Variants in VWDE observed in about 807,000 individuals in gnomAD.
VWDE encodes the protein von Willebrand factor D and EGF domains.
In VWDE, 207 loss-of-function variants were observed where a neutral mutation model predicts 178.4. The ratio of observed to expected loss-of-function variants is 1.16; its 90% CI spans 1.04 to 1.30. The LOEUF (loss-of-function observed/expected upper bound fraction) is 1.30. VWDE is among the 50% of genes most tolerant of loss of function. VWDE has a pLI of 0.00. For missense variants in VWDE, 2,287 were observed against 1,901.3 expected (o/e 1.20, Z -3.77); for synonymous variants, 738 against 651.4 (o/e 1.13, Z -2.02).
intron 21 of VWDE, among the ~76,000 whole-genome samples, chr7:12,343,696 C>T (rs1458829088): frequency 2.6e-5 from 4 of 152,064 alleles, no homozygotes; most frequent in Admixed American, 1.3e-4. Context: ...AAAGTATCAT[C>T]CACTTTAGGA....
chr7:12,354,474 C>T, intron 18 of VWDE: 1 of 379,972 alleles, frequency 2.6e-6, no homozygotes, highest in East Asian at 8.3e-5. Context: ...CAACATCTTC[C>T]TGGCAATTTT....
At chr7:12,331,229 T>C (rs769917490) in intron 28 of VWDE, 32 bp from the exon 29 acceptor site, 4 of 1,531,742 alleles carry the variant, frequency 2.6e-6, no homozygotes, top group South Asian at 2.4e-5. Flanking sequence ...TGTGTTTCAA[T>C]GAATAGTATA....
rs1476617805 is a variant in VWDE, at chr7:12,393,734, A to G, written c.103T>C (p.Tyr35His). 2.6e-6 allele frequency: 4 copies of G among 1,550,888 alleles called. No homozygotes were observed. In the African/African-American group the frequency reaches 5.5e-5, roughly 21 times the overall value. Residue 35 changes from tyrosine (Y) to histidine (H), a missense_variant, in exon 2 of 29, where the codon TAT becomes CAT. Tyr to His is a moderately conservative substitution (Grantham distance 83). Coordinates refer to ENST00000275358, the MANE Select transcript of VWDE (RefSeq NM_001135924.3). ...CATGAGTCAAAACGGACACTTCTAT[A>G]AGGACTCCGAAGAAACTGGTGTCCC... ...PGGHQFLRSPYRSVRFDSWHL... is the reference protein window; with the variant it reads ...PGGHQFLRSPHRSVRFDSWHL...
At position 12,359,541 on chromosome 7, in the gene VWDE, G is replaced by A. The variant is rs914053762; in HGVS notation, c.3274+37C>T. On this transcript the variant is annotated intron_variant, in intron 16 of 28. Coordinates refer to ENST00000275358, the MANE Select transcript of VWDE (RefSeq NM_001135924.3). ...CTGAAAACCACTTTTAAAATGTCTT[G>A]TATAGGAAATATTTGGATTAATAAA... 7 of 1,372,844 alleles carry A rather than the reference G, an allele frequency of 5.1e-6. No homozygotes were observed. The East Asian group carries it at 7.5e-5, about 15-fold the overall frequency. The allele number at this position is 1,372,844 out of a possible 1,614,324, so 85.0% of individuals were successfully genotyped here. A position where few individuals can be genotyped will look rare whatever the true frequency, so the allele number is the denominator to read the frequency against.
chr7:12,350,057 A>G (rs1433997252), intron 19 of VWDE, among the ~76,000 whole-genome samples: 2 of 152,032 alleles, frequency 1.3e-5, no homozygotes, highest in Non-Finnish European at 1.5e-5. Context: ...AATTTTACCA[A>G]ATAATTAAGG....
chr7:12,341,833 T>G (rs756144391), intron 23 of VWDE, among the ~76,000 whole-genome samples: 1 of 152,096 alleles, frequency 6.6e-6, no homozygotes, highest in Non-Finnish European at 1.5e-5. Context: ...AAAAAAAGTA[T>G]TGGTTGGTTA....
intron 1 of VWDE, among the ~76,000 whole-genome samples, chr7:12,400,601 G>A (rs1232805365): frequency 1.3e-5 from 2 of 152,006 alleles, no homozygotes; most frequent in African/African-American, 4.8e-5. Flanking sequence ...TGGCATCAAT[G>A]CTAAATTCTA....
intron 7 of VWDE, among the ~76,000 whole-genome samples, chr7:12,376,412 A>G (rs1783532678): frequency 6.6e-6 from 1 of 152,126 alleles, no homozygotes; most frequent in South Asian, 2.1e-4. Flanking sequence ...AACAAAAGCC[A>G]TTTTTAATTC....
chr7:12,379,422 G>T, intron 6 of VWDE, 55 bp downstream of exon 6: 1 of 1,330,792 alleles, frequency 7.5e-7, no homozygotes, highest in South Asian at 1.3e-5. Flanking sequence ...ATCACAGTTT[G>T]GGAAACATAG....
chr7:12,389,494 C>G (rs1784276435), intron 2 of VWDE, 136 bp from the exon 3 acceptor site: 1 of 629,724 alleles, frequency 1.6e-6, no homozygotes, highest in Admixed American at 3.0e-5. Context: ...TGTACCTGTT[C>G]TATACAAGGA....
rs368544463 is a variant in VWDE at position 12,356,035 on chromosome 7, A to G, written c.3745+76T>C. The G allele has an allele frequency of 1.9e-4, 227 of 1,180,528 alleles. 1 individual carries two copies. The East Asian group carries it at 5.0e-3, about 26-fold the overall frequency. The allele number at this position is 1,180,528 out of a possible 1,614,324, so 73.1% of individuals were successfully genotyped here. A position where few individuals can be genotyped will look rare whatever the true frequency, so the allele number is the denominator to read the frequency against. ...TGTACTAAAATCTTTAGGACCACACATTTGCTTAAGTAATCTGTAGATATG... is the reference window on the plus strand; with the variant it reads ...TGTACTAAAATCTTTAGGACCACACGTTTGCTTAAGTAATCTGTAGATATG... On this transcript the variant is annotated intron_variant, in intron 18 of 28. Transcript: ENST00000275358.
rs374830003 is a variant in VWDE at position 12,379,495 on chromosome 7, T to A, written c.861A>T (p.Glu287Asp). 820 of 1,549,806 alleles carry A rather than the reference T, an allele frequency of 5.3e-4. 1 individual carries two copies. In the African/African-American group the frequency reaches 0.01, roughly 19 times the overall value. ...HVQSVAIESQ[E>D]FFAGFKLQPE... Reference sequence around the variant, plus strand: ...TGCGTACCTTAAAGCCTGCAAAAAATTCTTGGCTTTCGATGGCTACACTTT... The same window carrying A: ...TGCGTACCTTAAAGCCTGCAAAAAAATCTTGGCTTTCGATGGCTACACTTT... The change falls in exon 6 of 29, where the codon GAA becomes GAT. Residue 287 changes from glutamate (E) to aspartate (D), a missense_variant. Glu to Asp is a conservative substitution (Grantham distance 45). Coordinates refer to ENST00000275358, the MANE Select transcript of VWDE (RefSeq NM_001135924.3).
At position 12,344,486 on chromosome 7, in the gene VWDE, GA is replaced by G. The variant is rs199577271; in HGVS notation, c.3887-18del. On this transcript the variant is annotated intron_variant, in intron 19 of 28. Transcript: ENST00000275358. ...TACAAATGGCTAAAAAAAAATCAAA[GA>G]AAAAAAGGTTGATTGCTAAAACAGA... is the stretch of plus-strand genomic sequence containing the variant. 3,525 of 1,532,338 alleles carry G rather than the reference GA, an allele frequency of 2.3e-3. 64 individuals are homozygous for G. In the African/African-American group the frequency reaches 0.039, roughly 17 times the overall value. 94.9% of individuals were successfully genotyped at this position (1,532,338 alleles called of 1,614,324 possible). A position where few individuals can be genotyped will look rare whatever the true frequency, so the allele number is the denominator to read the frequency against.
At position 12,340,312 on chromosome 7, in the gene VWDE, G is replaced by C; in HGVS notation, c.4366+10C>G. 6.5e-7 allele frequency: 1 copy of C among 1,544,210 alleles called. No homozygotes were observed. Among genetic ancestry groups the C allele is most frequent in the Non-Finnish European group, 8.8e-7 (1 of 1,141,290 alleles). ...TTTGCCCTTTTTACATACAAAGAAAGAATAATTACCATTCTGACAGTGTTC... is the reference window on the plus strand; with the variant it reads ...TTTGCCCTTTTTACATACAAAGAAACAATAATTACCATTCTGACAGTGTTC... On this transcript the variant is annotated intron_variant, in intron 24 of 28. Transcript: ENST00000275358.
At chr7:12,379,636 T>C (rs1783730276) in intron 5 of VWDE, 70 bp from the exon 6 acceptor site, 1 of 1,101,868 alleles carries the variant, frequency 9.1e-7, no homozygotes, top group African/African-American at 1.6e-5. Context: ...TTATCACTTT[T>C]AAAATCCTAA....
At chr7:12,360,808 T>C (rs1321956002) in intron 15 of VWDE, among the ~76,000 whole-genome samples, 1 of 152,194 alleles carries the variant, frequency 6.6e-6, no homozygotes. Flanking sequence ...TGTATGTCAC[T>C]TGATGCAAAG....
chr7:12,395,398 G>A (rs955271517), intron 1 of VWDE, among the ~76,000 whole-genome samples: 4 of 151,990 alleles, frequency 2.6e-5, no homozygotes, highest in East Asian at 1.9e-4. Flanking sequence ...ACAGAATTTC[G>A]TCTTGGGAAA....
chr7:12,371,679 G>A (rs1212586992), intron 10 of VWDE, among the ~76,000 whole-genome samples: 1 of 151,770 alleles, frequency 6.6e-6, no homozygotes, highest in African/African-American at 2.4e-5. Context: ...CCAACTTAAG[G>A]TAGCTAATAT....
At position 12,364,227 on chromosome 7, in the gene VWDE, T is replaced by G. The variant is rs192512044; in HGVS notation, c.2899-2706A>C. On this transcript the variant is annotated intron_variant, in intron 13 of 28. Transcript: ENST00000275358. ...ATAGGTAGTTACGTGTGTGTATAAG[T>G]GTACATACATAGATTTTCTAACTGT... is the stretch of plus-strand genomic sequence containing the variant. Among the ~76,000 whole-genome samples the G allele has an allele frequency of 2.0e-4, 30 of 152,136 alleles. No individual in the cohort carries two copies. The East Asian group carries it at 5.8e-3, about 29-fold the overall frequency.
Sources: gnomAD v4.1 joint callset for allele counts (sites outside exome capture counted in the v4.1 genomes callset) on GRCh38, gnomAD v4.1.1 for gene constraint, MANE v1.5 for transcripts, NCBI Gene and HGNC (gene_info 2026-07-23, HGNC 2026-07-21) for gene names.